Variants in SPG7 observed in about 807,000 individuals in gnomAD.
SPG7 encodes SPG7 matrix AAA peptidase subunit, paraplegin, also known as mitochondrial inner membrane m-AAA protease component paraplegin.
SPG7 carries 103 observed loss-of-function variants against 81.9 expected under a neutral mutation model. The observed-to-expected ratio is 1.26, with a 90% CI of 1.07 to 1.48. SPG7 has a LOEUF of 1.48. Ranked by LOEUF, SPG7 falls within the 40% of genes most tolerant of loss-of-function variation. The probability of loss-of-function intolerance (pLI) is 0.00; values close to 1 mark genes in which losing one functional copy is unlikely to be tolerated. For synonymous variants in SPG7, 534 were observed against 444.2 expected (o/e 1.20, Z -2.54); for missense variants, 1,241 against 1,087.3 (o/e 1.14, Z -1.99).
chr16:89,532,707 T>C (rs1304927315), intron 9 of SPG7, 71 bp downstream of exon 9: 2 of 1,586,472 alleles, frequency 1.3e-6, no homozygotes, highest in Non-Finnish European at 1.7e-6. Flanking sequence ...TCAGAACAGG[T>C]TGTGGTGAGC....
At chr16:89,526,778 G>A (rs771228969) in intron 5 of SPG7, 8 of 373,146 alleles carry the variant, frequency 2.1e-5, no homozygotes, top group South Asian at 4.3e-5. Context: ...CTCAGCCCCC[G>A]ACGTAAGATG....
rs578185851 is a variant in SPG7, at chr16:89,537,147, T to A, written c.1324+4511T>A. 8 of 1,459,504 alleles carry A rather than the reference T, an allele frequency of 5.5e-6. No individual in the cohort carries two copies. The South Asian group carries it at 8.5e-5, about 16-fold the overall frequency. The allele number at this position is 1,459,504 out of a possible 1,614,324, so 90.4% of individuals were successfully genotyped here. A position where few individuals can be genotyped will look rare whatever the true frequency, so the allele number is the denominator to read the frequency against. On this transcript the variant is annotated intron_variant, in intron 9 of 16. Transcript: ENST00000645818. ...CCTGCCGAGGTCCCAGGCCAGGCTT[T>A]GTTGCTTCCGTTCATGGAAGCGCAC...
At chr16:89,531,726 C>T in intron 7 of SPG7, 178 bp from the exon 8 acceptor site, 1 of 661,290 alleles carries the variant, frequency 1.5e-6, no homozygotes, top group East Asian at 2.7e-5. Flanking sequence ...CTGTATATTC[C>T]CAGCTACTCG....
At position 89,532,502 on chromosome 16, in the gene SPG7, C is replaced by A; in HGVS notation, c.1190C>A (p.Ala397Asp). 1 of 1,613,644 alleles carries A rather than the reference C, an allele frequency of 6.2e-7. No individual in the cohort carries two copies. Among genetic ancestry groups the A allele is most frequent in the Non-Finnish European group, 8.5e-7 (1 of 1,180,030 alleles). ...CGTGTGCGGAGCCTCTTTAAGGAAG[C>A]CCGAGCCCGGGCCCCCTGCATCGTC... ...AARVRSLFKEARARAPCIVYI... is the reference protein window; with the variant it reads ...AARVRSLFKEDRARAPCIVYI... Residue 397 changes from alanine to aspartate, a missense_variant, in exon 9 of 17, where the codon GCC (alanine) becomes GAC (aspartate). Coordinates refer to ENST00000645818, the MANE Select transcript of SPG7 (RefSeq NM_003119.4).
chr16:89,508,645 C>A, intron 1 of SPG7, 45 bp downstream of exon 1: 2 of 1,430,150 alleles, frequency 1.4e-6, no homozygotes, highest in Non-Finnish European at 1.8e-6. Context: ...CCCGGCTCTG[C>A]TCTGTAAGGC....
At chr16:89,549,427 G>C (rs1266254752) in intron 12 of SPG7, 1 of 362,304 alleles carries the variant, frequency 2.8e-6, no homozygotes, top group African/African-American at 2.1e-5. Context: ...TGGGGGCTGA[G>C]GCAGGAGGGT....
chr16:89,524,163 C>T lies in SPG7; in HGVS notation c.534C>T (p.Gly178=), dbSNP rs1019919397. The T allele has an allele frequency of 1.2e-6, 2 of 1,614,026 alleles. No individual in the cohort carries two copies. Among genetic ancestry groups the T allele is most frequent in the Admixed American group, 1.7e-5 (1 of 60,016 alleles). Residue 178 remains glycine, a synonymous_variant, in exon 4 of 17, where the codon GGC becomes GGT. Transcript: ENST00000645818. ...TTGTCCACGAGATGCTGGCCAAGGG[C>T]GAGGTGCAGCGCGTCCAGGTGGTGC... ...NDFVHEMLAK[G]EVQRVQVVPE... is the part of the protein sequence containing the mutation.
At chr16:89,550,225 T>G (rs2058618736) in intron 12 of SPG7, 1 of 409,136 alleles carries the variant, frequency 2.4e-6, no homozygotes, top group Admixed American at 3.5e-5. Flanking sequence ...CAGCCTGGAG[T>G]GCAGTGGCAT....
At chr16:89,523,943 G>A (rs1447704779) in intron 3 of SPG7, 63 bp from the exon 4 acceptor site, 3 of 1,599,134 alleles carry the variant, frequency 1.9e-6, no homozygotes, top group Middle Eastern at 1.7e-4. Flanking sequence ...AGGAAGCTCT[G>A]GATGTCGCCC....
At chr16:89,547,882 G>A (rs1048617798) in intron 11 of SPG7, 121 bp from the exon 12 acceptor site, 3 of 789,668 alleles carry the variant, frequency 3.8e-6, no homozygotes, top group Non-Finnish European at 6.7e-6. Flanking sequence ...CAAAGTGCTG[G>A]GATTACAGGG....
chr16:89,553,126 G>T lies in SPG7; in HGVS notation c.1927G>T (p.Val643Phe), dbSNP rs778965259. The T allele has an allele frequency of 6.2e-7, 1 of 1,607,852 alleles. No individual in the cohort carries two copies. The change falls in exon 14 of 17, where the codon GTC (valine) becomes TTC (phenylalanine). Residue 643 changes from valine (V) to phenylalanine (F), a missense_variant. By Grantham distance (50) the Val-to-Phe change is conservative (BLOSUM62 -1). Coordinates refer to ENST00000645818, the MANE Select transcript of SPG7 (RefSeq NM_003119.4). ...CTCGGAAGCACTGTCCTTCAACGAGGTCACTTCTGGTGAGGAGCAGCGGCG... is the reference window on the plus strand; with the variant it reads ...CTCGGAAGCACTGTCCTTCAACGAGTTCACTTCTGGTGAGGAGCAGCGGCG... The part of the protein sequence containing the change: ...RASEALSFNE[V>F]TSGAQDDLRK...
At chr16:89,530,356 G>T in intron 6 of SPG7, 1 of 391,946 alleles carries the variant, frequency 2.6e-6, no homozygotes, top group Non-Finnish European at 4.9e-6. Context: ...GTGTTAGCCA[G>T]GGTGGTCTCG....
chr16:89,529,349 A>G (rs968723590), intron 5 of SPG7, 128 bp from the exon 6 acceptor site: 30 of 714,576 alleles, frequency 4.2e-5, no homozygotes, highest in Middle Eastern at 3.7e-4. Context: ...TAATCTGCGC[A>G]TCGGTCCCAG....
intron 10 of SPG7, chr16:89,546,394 G>C (rs1019282033): frequency 3.7e-5 from 16 of 430,482 alleles, no homozygotes; most frequent in South Asian, 2.4e-4. Flanking sequence ...AATGCTGCTT[G>C]TGGCCAGGCA....
intron 4 of SPG7, among the ~76,000 whole-genome samples, chr16:89,524,536 C>T (rs1386947542): frequency 6.6e-6 from 1 of 152,134 alleles, no homozygotes; most frequent in East Asian, 1.9e-4. Flanking sequence ...ATCTGCCTCC[C>T]GAGTTCAAGG....
chr16:89,525,454 G>A (rs2058247809), intron 4 of SPG7, among the ~76,000 whole-genome samples: 1 of 152,208 alleles, frequency 6.6e-6, no homozygotes, highest in Non-Finnish European at 1.5e-5. Context: ...CTGCCTTAAA[G>A]AGAAAATGCT....
chr16:89,544,886 C>T (rs951364645), intron 10 of SPG7, 114 bp downstream of exon 10: 14 of 1,308,192 alleles, frequency 1.1e-5, no homozygotes, highest in Non-Finnish European at 1.5e-5. Flanking sequence ...CACAGCCCCA[C>T]AGGTGCTGGC....
chr16:89,529,543 C>A lies in SPG7; in HGVS notation c.825C>A (p.Ala275=), dbSNP rs745444790. 3 of 1,613,890 alleles carry A rather than the reference C, an allele frequency of 1.9e-6. No homozygotes were observed. Among genetic ancestry groups the A allele is most frequent in the Non-Finnish European group, 2.5e-6 (3 of 1,179,842 alleles). The change falls in exon 6 of 17, where the codon GCC becomes GCA. Residue 275 remains alanine, a synonymous_variant. Transcript: ENST00000645818. ...TCCTGTGGTATGTTTTCCGTCTGGC[C>A]GGGATGACTGGAAGGGAAGGTGGAT... is the stretch of plus-strand genomic sequence containing the variant. The part of the protein sequence containing the change: ...LAILWYVFRL[A]GMTGREGGFS...
At chr16:89,531,030 C>A in intron 7 of SPG7, 1 of 651,870 alleles carries the variant, frequency 1.5e-6, no homozygotes, top group Non-Finnish European at 2.7e-6. Flanking sequence ...TGCCAAGACC[C>A]ATGCCTACTG....
Sources: allele counts gnomAD v4.1 joint callset (sites outside exome capture counted in the v4.1 genomes callset), GRCh38; gene constraint gnomAD v4.1.1; transcripts MANE v1.5; gene names NCBI Gene and HGNC (gene_info 2026-07-23, HGNC 2026-07-21).